The following BCKDHB variants were observed in gnomAD, a reference collection of about 807,000 sequenced individuals.
BCKDHB encodes branched chain keto acid dehydrogenase E1 subunit beta.
Under a neutral mutation model 48.5 loss-of-function variants are expected in BCKDHB, and 41 were observed. That is an observed-to-expected ratio of 0.85 (90% CI 0.66 to 1.10). The LOEUF (loss-of-function observed/expected upper bound fraction) is 1.10, where lower values mean the gene tolerates loss of function less well. Ranked by LOEUF, BCKDHB falls within the 50% of genes least tolerant of loss-of-function variation. The pLI, the probability that BCKDHB is intolerant of heterozygous loss-of-function variation, is 0.00. For synonymous variants in BCKDHB, 201 were observed against 174.8 expected (o/e 1.15, Z -1.18); for missense variants, 496 against 494.2 (o/e 1.00, Z -0.03).
rs147440176 is a variant in BCKDHB at position 80,276,910 on chromosome 6, AT to A, written c.1038+3692del. 1.7e-4 allele frequency among the ~76,000 whole-genome samples: 26 copies of A among 152,146 alleles called. No individual in the cohort carries two copies. The East Asian group carries it at 4.8e-3, about 28-fold the overall frequency. On this transcript the variant is annotated intron_variant, in intron 9 of 9. Transcript: ENST00000320393. Reference sequence around the variant, plus strand: ...GCATCTAATTTACGAAGTGCTTTATATTTCTATTGGATTTAATTTGGAAATT... The same window carrying A: ...GCATCTAATTTACGAAGTGCTTTATATTCTATTGGATTTAATTTGGAAATT...
intron 3 of BCKDHB, among the ~76,000 whole-genome samples, chr6:80,144,195 G>A (rs538717922): frequency 9.2e-5 from 14 of 152,128 alleles, no homozygotes. Flanking sequence ...AAGCCCACTG[G>A]ATTTATTCAG....
At chr6:80,404,175 A>G in the BCKDHB span, among the ~76,000 whole-genome samples, 2 of 151,996 alleles carry the variant, frequency 1.3e-5, no homozygotes, top group Non-Finnish European at 2.9e-5. Context: ...ATGTTGTTAG[A>G]ACTCAACTGT....
chr6:80,399,950 C>G, the BCKDHB span, among the ~76,000 whole-genome samples: 1 of 151,918 alleles, frequency 6.6e-6, no homozygotes, highest in South Asian at 2.1e-4. Flanking sequence ...CTATTTGATC[C>G]TTGGCAAGCC....
intron 6 of BCKDHB, among the ~76,000 whole-genome samples, chr6:80,174,192 C>T (rs1052769863): frequency 1.1e-4 from 17 of 152,040 alleles, no homozygotes; most frequent in African/African-American, 3.9e-4. Context: ...CAAAATTGTA[C>T]ATTTAAAGTT....
chr6:80,410,086 G>A, the BCKDHB span, among the ~76,000 whole-genome samples: 2 of 152,102 alleles, frequency 1.3e-5, no homozygotes, highest in African/African-American at 4.8e-5. Flanking sequence ...TGCTGGTACT[G>A]GTTTTTCTTT....
At chr6:80,184,586 C>G (rs1773556510) in intron 6 of BCKDHB, among the ~76,000 whole-genome samples, 1 of 151,812 alleles carries the variant, frequency 6.6e-6, no homozygotes, top group African/African-American at 2.4e-5. Flanking sequence ...GGTTTTGTTT[C>G]AAGATTTAGA....
intron 9 of BCKDHB, among the ~76,000 whole-genome samples, chr6:80,286,757 C>CA (rs1766644371): frequency 6.6e-6 from 1 of 152,140 alleles, no homozygotes; most frequent in Admixed American, 6.6e-5. Flanking sequence ...GTTTCATAGA[C>CA]AGAGTCTGAA....
chr6:80,285,227 G>T (rs1050413204), intron 9 of BCKDHB, among the ~76,000 whole-genome samples: 1 of 151,868 alleles, frequency 6.6e-6, no homozygotes, highest in Non-Finnish European at 1.5e-5. Flanking sequence ...TTCCAACATC[G>T]CACAATTCTA....
At chr6:80,218,589 T>C (rs1775277146) in intron 8 of BCKDHB, among the ~76,000 whole-genome samples, 1 of 152,220 alleles carries the variant, frequency 6.6e-6, no homozygotes. Context: ...TTTTGAGTTA[T>C]GATATTACCT....
At chr6:80,110,019 C>T (rs1355311010) in intron 1 of BCKDHB, among the ~76,000 whole-genome samples, 2 of 152,212 alleles carry the variant, frequency 1.3e-5, no homozygotes, top group Non-Finnish European at 2.9e-5. Flanking sequence ...CTGCTTTTCA[C>T]ATGTCCTGCA....
At chr6:80,415,959 G>C in the BCKDHB span, among the ~76,000 whole-genome samples, 1 of 151,974 alleles carries the variant, frequency 6.6e-6, no homozygotes, top group South Asian at 2.1e-4. Flanking sequence ...GCTTGTTATT[G>C]ATCTGTTCAG....
intron 6 of BCKDHB, among the ~76,000 whole-genome samples, chr6:80,174,247 A>G (rs1388994178): frequency 1.3e-5 from 2 of 152,224 alleles, no homozygotes; most frequent in Non-Finnish European, 2.9e-5. Flanking sequence ...TCATGGATGG[A>G]CTAATAAATA....
chr6:80,182,163 C>T (rs968202060), intron 6 of BCKDHB, among the ~76,000 whole-genome samples: 4 of 152,074 alleles, frequency 2.6e-5, no homozygotes, highest in South Asian at 4.1e-4. Context: ...TATCTAAAGC[C>T]GGCAGGACTT....
intron 9 of BCKDHB, among the ~76,000 whole-genome samples, chr6:80,313,567 G>A (rs947587158): frequency 6.6e-6 from 1 of 152,048 alleles, no homozygotes; most frequent in Non-Finnish European, 1.5e-5. Flanking sequence ...CACCTTGTTG[G>A]CCAGGCTGGT....
At chr6:80,380,233 A>G in the BCKDHB span, among the ~76,000 whole-genome samples, 1 of 152,044 alleles carries the variant, frequency 6.6e-6, no homozygotes, top group African/African-American at 2.4e-5. Context: ...TGGCACAAAA[A>G]TGGTACATGG....
At chr6:80,193,457 G>A (rs541151081) in intron 6 of BCKDHB, among the ~76,000 whole-genome samples, 5 of 152,138 alleles carry the variant, frequency 3.3e-5, no homozygotes, top group South Asian at 2.1e-4. Context: ...GATGGCTCAC[G>A]CCTGTAATCC....
At position 80,235,030 on chromosome 6, in the gene BCKDHB, A is replaced by G. The variant is rs541648530; in HGVS notation, c.951+31818A>G. 2.2e-4 allele frequency among the ~76,000 whole-genome samples: 33 copies of G among 152,296 alleles called. No homozygotes were observed. The East Asian group carries it at 6.0e-3, about 28-fold the overall frequency. On this transcript the variant is annotated intron_variant, in intron 8 of 9. Coordinates refer to ENST00000320393, the MANE Select transcript of BCKDHB (RefSeq NM_183050.4). ...CAGCAAATAGTAGGGGGAGTGGAGAATGAAGAGAGGTTGGTTAATGGGTAT... is the reference window on the plus strand; with the variant it reads ...CAGCAAATAGTAGGGGGAGTGGAGAGTGAAGAGAGGTTGGTTAATGGGTAT...
At chr6:80,369,541 ACTCT>A in the BCKDHB span, among the ~76,000 whole-genome samples, 5 of 152,076 alleles carry the variant, frequency 3.3e-5, no homozygotes, top group South Asian at 1.0e-3. Flanking sequence ...TTTTTATGAG[ACTCT>A]CTAGGTCCAT....
At chr6:80,286,561 C>G (rs926216928) in intron 9 of BCKDHB, among the ~76,000 whole-genome samples, 1 of 152,072 alleles carries the variant, frequency 6.6e-6, no homozygotes, top group South Asian at 2.1e-4. Flanking sequence ...AATTATTTTC[C>G]TTAGGGACAA....
Sources: allele counts gnomAD v4.1 joint callset (sites outside exome capture counted in the v4.1 genomes callset), GRCh38; gene constraint gnomAD v4.1.1; transcripts MANE v1.5; gene names NCBI Gene and HGNC (gene_info 2026-07-23, HGNC 2026-07-21).